The following FBXO34 variants were observed in gnomAD, a reference collection of about 807,000 sequenced individuals.
FBXO34 encodes F-box protein 34, also known as F-box only protein 34.
A neutral mutation model predicts 24.5 loss-of-function variants in FBXO34; 12 were observed. That is an observed-to-expected ratio of 0.49 (90% CI 0.31 to 0.79). The LOEUF is 0.79. Ranked by LOEUF, FBXO34 falls within the 30% of genes least tolerant of loss-of-function variation. The pLI, the probability that FBXO34 is intolerant of heterozygous loss-of-function variation, is 0.04. For missense variants in FBXO34, 823 were observed against 857.7 expected, an observed-to-expected ratio of 0.96 and a Z score of 0.51; for synonymous variants, 320 against 311.9, an observed-to-expected ratio of 1.03 and a Z score of -0.27.
At chr14:55,401,943 G>C in the FBXO34 span, among the ~76,000 whole-genome samples, 1 of 152,236 alleles carries the variant, frequency 6.6e-6, no homozygotes, top group Non-Finnish European at 1.5e-5. Flanking sequence ...GGAAAACAAT[G>C]ACGGGAGTAT....
At chr14:55,360,470 C>T (rs1884579099) in intron 3 of FBXO34, among the ~76,000 whole-genome samples, 2 of 152,174 alleles carry the variant, frequency 1.3e-5, no homozygotes, top group Admixed American at 6.5e-5. Flanking sequence ...TCTTCAGGCT[C>T]CACTTTTAGT....
the FBXO34 span, among the ~76,000 whole-genome samples, chr14:55,403,116 C>G: frequency 1.3e-5 from 2 of 150,222 alleles, no homozygotes; most frequent in African/African-American, 4.9e-5. Context: ...GAGAACCTGT[C>G]TCTCAAAACA....
At chr14:55,360,079 AT>A (rs536909336) in intron 3 of FBXO34, among the ~76,000 whole-genome samples, 8 of 148,870 alleles carry the variant, frequency 5.4e-5, no homozygotes, top group South Asian at 2.1e-4. Flanking sequence ...GAAAAAAATA[AT>A]TTTTTTTTTT....
At chr14:55,414,036 C>T in the FBXO34 span, 1 of 543,458 alleles carries the variant, frequency 1.8e-6, no homozygotes, top group Non-Finnish European at 3.6e-6. Context: ...AGGTGCCTCA[C>T]CTCTTTCCCT....
At chr14:55,409,546 G>A in the FBXO34 span, among the ~76,000 whole-genome samples, 1 of 147,868 alleles carries the variant, frequency 6.8e-6, no homozygotes, top group South Asian at 2.2e-4. Context: ...AGAGTCTAAC[G>A]TATGAGCAGG....
At chr14:55,397,564 C>T in the FBXO34 span, 365 of 733,270 alleles carry the variant, frequency 5.0e-4, 1 homozygote, top group Non-Finnish European at 7.7e-4. Context: ...AGTAAATACA[C>T]GTCTTCTCAA....
intron 1 of FBXO34, among the ~76,000 whole-genome samples, chr14:55,326,623 C>T (rs546495644): frequency 1.8e-4 from 27 of 152,138 alleles, no homozygotes; most frequent in Middle Eastern, 3.4e-3. Flanking sequence ...CCCAGTAGCT[C>T]GTAATAGAGG....
intron 1 of FBXO34, among the ~76,000 whole-genome samples, chr14:55,283,292 C>T (rs888924473): frequency 6.6e-6 from 1 of 152,040 alleles, no homozygotes; most frequent in South Asian, 2.1e-4. Flanking sequence ...AAAAAATACA[C>T]CAACATTTTT....
the FBXO34 span, among the ~76,000 whole-genome samples, chr14:55,386,662 C>G: frequency 1.3e-5 from 2 of 152,170 alleles, no homozygotes; most frequent in Admixed American, 6.5e-5. Context: ...TATCTAGACA[C>G]GCATGCCCAG....
chr14:55,382,971 TAA>T, the FBXO34 span, among the ~76,000 whole-genome samples: 7 of 152,220 alleles, frequency 4.6e-5, no homozygotes, highest in Non-Finnish European at 8.8e-5. Context: ...AAAAAATTAG[TAA>T]AGAGTGACAC....
downstream of FBXO34, among the ~76,000 whole-genome samples, chr14:55,364,992 G>A (rs183549073): frequency 1.4e-4 from 21 of 149,750 alleles, no homozygotes; most frequent in Admixed American, 4.0e-4. Context: ...AGGCCGAGGC[G>A]AGCAGATCAC....
chr14:55,312,497 T>C (rs922307491), intron 1 of FBXO34, among the ~76,000 whole-genome samples: 1 of 152,172 alleles, frequency 6.6e-6, no homozygotes, highest in Non-Finnish European at 1.5e-5. Flanking sequence ...GTGTGGGGGC[T>C]TCAACCCCAC....
chr14:55,300,659 TGTGG>T (rs1196126384), intron 1 of FBXO34, among the ~76,000 whole-genome samples: 23 of 152,236 alleles, frequency 1.5e-4, no homozygotes, highest in African/African-American at 5.5e-4. Context: ...TGATTACATC[TGTGG>T]TTCAGTTCAA....
At chr14:55,272,073 G>C (rs1002627361) in intron 1 of FBXO34, 17 of 152,276 alleles carry the variant, frequency 1.1e-4, no homozygotes, top group African/African-American at 3.9e-4. Flanking sequence ...GGCGCAAGTC[G>C]ACTGCGGTTC....
intron 1 of FBXO34, among the ~76,000 whole-genome samples, chr14:55,319,080 A>T (rs1566553522): frequency 6.6e-6 from 1 of 152,210 alleles, no homozygotes; most frequent in Non-Finnish European, 1.5e-5. Flanking sequence ...AAATTTAAGT[A>T]GGAAAATTTG....
chr14:55,278,770 T>G (rs1487723152), intron 1 of FBXO34, among the ~76,000 whole-genome samples: 1 of 152,206 alleles, frequency 6.6e-6, no homozygotes, highest in Non-Finnish European at 1.5e-5. Context: ...TCACTGCAGC[T>G]GAACCTCCTA....
the FBXO34 span, among the ~76,000 whole-genome samples, chr14:55,414,882 TG>T: frequency 2.0e-5 from 3 of 152,246 alleles, no homozygotes; most frequent in Non-Finnish European, 4.4e-5. Flanking sequence ...GCTTTAAATT[TG>T]TTTTAAATTT....
chr14:55,320,779 G>A (rs1447998637), intron 1 of FBXO34, among the ~76,000 whole-genome samples: 2 of 152,130 alleles, frequency 1.3e-5, no homozygotes, highest in African/African-American at 4.8e-5. Context: ...AAAGTTTTAA[G>A]GTGAGAAAGT....
At chr14:55,369,847 A>C, downstream of FBXO34, 3 of 1,614,084 alleles carry the variant, frequency 1.9e-6, no homozygotes, top group Non-Finnish European at 2.5e-6. Context: ...CTCCGCTCTC[A>C]TCTGATTCTC....
Sources: gnomAD v4.1 joint callset for allele counts (sites outside exome capture counted in the v4.1 genomes callset) on GRCh38, gnomAD v4.1.1 for gene constraint, MANE v1.5 for transcripts, NCBI Gene and HGNC (gene_info 2026-07-23, HGNC 2026-07-21) for gene names.